Variants in DIP2C observed in about 807,000 individuals in gnomAD.
The protein encoded by DIP2C is disco-interacting protein 2 homolog C.
In DIP2C, 33 loss-of-function variants were observed where a neutral mutation model predicts 192.4. The observed-to-expected ratio is 0.17, with a 90% confidence interval of 0.13 to 0.23. The LOEUF (loss-of-function observed/expected upper bound fraction) is 0.23, where lower values mean the gene tolerates loss of function less well. DIP2C is among the 10% of genes least tolerant of loss of function. DIP2C has a pLI of 1.00. For missense variants in DIP2C, 1,537 were observed against 2,110.1 expected (o/e 0.73, Z 5.32); for synonymous variants, 979 against 864.1 (o/e 1.13, Z -2.33).
intron 23 of DIP2C, among the ~76,000 whole-genome samples, 170 bp downstream of exon 23, chr10:357,658 C>T (rs373403134): frequency 6.6e-6 from 1 of 152,034 alleles, no homozygotes; most frequent in African/African-American, 2.4e-5. Context: ...ACATCGGAGA[C>T]TGTCGGGAAA....
At chr10:486,657 A>T in intron 1 of DIP2C, 127 bp from the exon 2 acceptor site, 1 of 739,246 alleles carries the variant, frequency 1.4e-6, no homozygotes, top group Non-Finnish European at 2.1e-6. Flanking sequence ...TTTTAAAAGC[A>T]AGCACTGCAC....
intron 3 of DIP2C, among the ~76,000 whole-genome samples, chr10:461,201 T>C (rs1458675511): frequency 2.0e-5 from 3 of 152,148 alleles, no homozygotes; most frequent in African/African-American, 7.2e-5. Flanking sequence ...CACATAACAA[T>C]ATTAACCTTA....
At chr10:603,139 G>T (rs1041179561) in intron 1 of DIP2C, among the ~76,000 whole-genome samples, 1 of 151,758 alleles carries the variant, frequency 6.6e-6, no homozygotes, top group African/African-American at 2.4e-5. Context: ...AATAAAGTCT[G>T]CAGAGTTTTC....
chr10:327,063 G>A lies in DIP2C; in HGVS notation c.3867C>T (p.His1289=). The A allele has an allele frequency of 6.2e-7, 1 of 1,614,220 alleles. No homozygotes were observed. Among genetic ancestry groups the A allele is most frequent in the Non-Finnish European group, 8.5e-7 (1 of 1,180,042 alleles). Residue 1289 remains histidine, a synonymous_variant, in exon 31 of 37, where the codon CAC becomes CAT. Transcript: ENST00000280886. ...CGAACGAGGTGCTGACGGCCCGCGG[G>A]TGAAGGCCCAGGTCCTTAAACAGCT... ...FSKLFKDLGL[H]PRAVSTSFGC...
At chr10:468,203 G>T (rs996965131) in intron 3 of DIP2C, among the ~76,000 whole-genome samples, 1 of 152,124 alleles carries the variant, frequency 6.6e-6, no homozygotes, top group African/African-American at 2.4e-5. Flanking sequence ...AAAACCACGT[G>T]AGCATATACT....
chr10:304,555 G>GCA (rs56181109), intron 32 of DIP2C, among the ~76,000 whole-genome samples: 227 of 150,680 alleles, frequency 1.5e-3, no homozygotes, highest in African/African-American at 5.0e-3. Context: ...GCACACGAAT[G>GCA]CACACACACA....
chr10:366,449 G>T (rs1960220238), intron 18 of DIP2C, 38 bp from the exon 19 acceptor site: 1 of 1,612,912 alleles, frequency 6.2e-7, no homozygotes, highest in Non-Finnish European at 8.5e-7. Flanking sequence ...GTGTGAGAGG[G>T]GGCAGGTGGG....
At chr10:280,487 A>T (rs896610162) in intron 36 of DIP2C, among the ~76,000 whole-genome samples, 17 of 151,662 alleles carry the variant, frequency 1.1e-4, no homozygotes, top group Non-Finnish European at 2.5e-4. Context: ...GGCACTGAAC[A>T]AGCCTGTAAA....
intron 8 of DIP2C, 113 bp from the exon 9 acceptor site, chr10:409,130 G>T: frequency 1.9e-6 from 2 of 1,025,666 alleles, no homozygotes; most frequent in South Asian, 1.7e-5. Flanking sequence ...ATCATGGTCT[G>T]CAAGCGACTT....
At chr10:493,003 T>A (rs1451858589) in intron 1 of DIP2C, among the ~76,000 whole-genome samples, 2 of 152,208 alleles carry the variant, frequency 1.3e-5, no homozygotes, top group Non-Finnish European at 2.9e-5. Context: ...TTTTTAAAAT[T>A]CAAAGCACGT....
chr10:456,704 A>G (rs1755435089), intron 3 of DIP2C, among the ~76,000 whole-genome samples: 1 of 152,224 alleles, frequency 6.6e-6, no homozygotes, highest in Admixed American at 6.5e-5. Context: ...TCTCCACTAC[A>G]CAGGGCCATC....
At chr10:317,230 CACAG>C (rs894323436) in intron 31 of DIP2C, among the ~76,000 whole-genome samples, 5 of 152,204 alleles carry the variant, frequency 3.3e-5, no homozygotes, top group East Asian at 1.9e-4. Context: ...GGGTGGGGGC[CACAG>C]ACAGTGTGAA....
At chr10:478,477 CG>C (rs1843340989) in intron 2 of DIP2C, among the ~76,000 whole-genome samples, 1 of 149,534 alleles carries the variant, frequency 6.7e-6, no homozygotes, top group South Asian at 2.1e-4. Flanking sequence ...CCGGGCATGC[CG>C]GGGGTGCAGA....
chr10:534,002 A>G (rs1208985663), intron 1 of DIP2C, among the ~76,000 whole-genome samples: 1 of 28,672 alleles, frequency 3.5e-5, no homozygotes, highest in Non-Finnish European at 6.7e-5. Context: ...GACATGCTTT[A>G]AAAAAAAAAA....
intron 1 of DIP2C, among the ~76,000 whole-genome samples, chr10:526,698 G>A (rs1044456744): frequency 6.6e-6 from 1 of 152,200 alleles, no homozygotes; most frequent in Admixed American, 6.5e-5. Context: ...CCACACTGGT[G>A]GCTTTAACTG....
intron 13 of DIP2C, among the ~76,000 whole-genome samples, chr10:388,227 A>G (rs781001054): frequency 2.0e-5 from 3 of 152,184 alleles, no homozygotes; most frequent in Non-Finnish European, 4.4e-5. Context: ...ACACAGCTCT[A>G]CTGCAAGTCT....
At chr10:685,149 A>T (rs1831268521) in intron 1 of DIP2C, among the ~76,000 whole-genome samples, 8 of 53,624 alleles carry the variant, frequency 1.5e-4, no homozygotes, top group South Asian at 7.7e-4. Context: ...AAAAAAAAAA[A>T]AAAAAAAAAA....
intron 3 of DIP2C, among the ~76,000 whole-genome samples, chr10:468,538 A>G (rs1970398338): frequency 6.6e-6 from 1 of 152,236 alleles, no homozygotes; most frequent in African/African-American, 2.4e-5. Context: ...AGGCAGGTGG[A>G]TCACTTGAGG....
intron 31 of DIP2C, chr10:311,716 G>A: frequency 1.8e-6 from 1 of 548,398 alleles, no homozygotes; most frequent in Non-Finnish European, 2.8e-6. Flanking sequence ...GCGAAAAGCA[G>A]GAAACAAAAT....
Sources: allele counts gnomAD v4.1 joint callset (sites outside exome capture counted in the v4.1 genomes callset), GRCh38; gene constraint gnomAD v4.1.1; transcripts MANE v1.5; gene names NCBI Gene and HGNC (gene_info 2026-07-23, HGNC 2026-07-21).